Variants in TEX9 observed in about 807,000 individuals in gnomAD.
TEX9 encodes testis-expressed protein 9.
A neutral mutation model predicts 59.6 loss-of-function variants in TEX9; 74 were observed. That is an observed-to-expected ratio of 1.24 (90% CI 1.03 to 1.51). The LOEUF (loss-of-function observed/expected upper bound fraction) is 1.51, where lower values mean the gene tolerates loss of function less well. Among genes scored for constraint, TEX9 ranks in the 40% most tolerant of loss-of-function variants. TEX9 has a pLI of 0.00. For missense variants in TEX9, 522 were observed against 447.8 expected (o/e 1.17, Z -1.49); for synonymous variants, 186 against 152.2 (o/e 1.22, Z -1.64).
chr15:56,408,405 T>G, intron 9 of TEX9: 1 of 152,224 alleles, frequency 6.6e-6, no homozygotes. Context: ...TGATTCTCCC[T>G]CATTTTCCTG....
At chr15:56,450,374 TC>T (rs1167940584), downstream of TEX9, among the ~76,000 whole-genome samples, 1 of 152,020 alleles carries the variant, frequency 6.6e-6, no homozygotes, top group African/African-American at 2.4e-5. Flanking sequence ...ACTTTTTCAT[TC>T]CCCCCAAAGA....
intron 1 of TEX9, among the ~76,000 whole-genome samples, chr15:56,310,209 A>G (rs1166116466): frequency 4.6e-5 from 7 of 152,108 alleles, no homozygotes; most frequent in Non-Finnish European, 1.0e-4. Flanking sequence ...AGGCAGTTGG[A>G]CCACCTGAGG....
At chr15:56,365,229 C>G (rs2046878623), upstream of TEX9, among the ~76,000 whole-genome samples, 1 of 151,386 alleles carries the variant, frequency 6.6e-6, no homozygotes, top group South Asian at 2.1e-4. Context: ...AGAATTTGCA[C>G]TAACTAAGTC....
At chr15:56,268,473 G>T (rs2044444629) in intron 1 of TEX9, among the ~76,000 whole-genome samples, 2 of 152,152 alleles carry the variant, frequency 1.3e-5, no homozygotes, top group African/African-American at 4.8e-5. Context: ...GTCGTAAATA[G>T]CTCTTATTAT....
At chr15:56,431,378 G>A (rs766540387) in intron 12 of TEX9, 2 of 1,610,182 alleles carry the variant, frequency 1.2e-6, no homozygotes, top group African/African-American at 1.3e-5. Context: ...CTTACTTTAG[G>A]GAGATAGCCT....
At chr15:56,425,562 C>G (rs1173364011) in intron 10 of TEX9, among the ~76,000 whole-genome samples, 1 of 151,916 alleles carries the variant, frequency 6.6e-6, no homozygotes, top group Non-Finnish European at 1.5e-5. Context: ...TTGTTTGGTT[C>G]TTTTTTGTAA....
chr15:56,272,375 T>TG (rs1352248472), intron 1 of TEX9, among the ~76,000 whole-genome samples: 6 of 152,248 alleles, frequency 3.9e-5, no homozygotes, highest in Non-Finnish European at 7.3e-5. Context: ...GTACAACATG[T>TG]GGCCTATTGT....
chr15:56,429,114 C>A, intron 12 of TEX9: 2 of 1,592,784 alleles, frequency 1.3e-6, no homozygotes, highest in Non-Finnish European at 1.7e-6. Flanking sequence ...TTTCTCTTCA[C>A]AAATTTCACT....
At chr15:56,308,606 G>T (rs533839504) in intron 1 of TEX9, among the ~76,000 whole-genome samples, 37 of 151,876 alleles carry the variant, frequency 2.4e-4, no homozygotes, top group Admixed American at 1.0e-3. Flanking sequence ...ATGTGCTTTT[G>T]GTATCATATC....
At chr15:56,292,179 T>C (rs1218280320) in intron 1 of TEX9, among the ~76,000 whole-genome samples, 1 of 152,228 alleles carries the variant, frequency 6.6e-6, no homozygotes, top group Non-Finnish European at 1.5e-5. Flanking sequence ...CAGCATCATG[T>C]TCTTGGAGAT....
chr15:56,431,573 T>C, intron 12 of TEX9: 1 of 1,450,114 alleles, frequency 6.9e-7, no homozygotes, highest in Non-Finnish European at 9.5e-7. Context: ...AAACTACTCA[T>C]GCAATGAATT....
rs2050468675 is a variant in TEX9, at chr15:56,429,019, C to T, written c.*29+546C>T. The T allele has an allele frequency of 7.9e-6, 6 of 756,850 alleles. No homozygotes were observed. In the South Asian group the frequency reaches 1.2e-4, roughly 15 times the overall value. 46.9% of individuals were successfully genotyped at this position (756,850 alleles called of 1,614,324 possible). A position where few individuals can be genotyped will look rare whatever the true frequency, so the allele number is the denominator to read the frequency against. Reference sequence around the variant, plus strand: ...CCAAACAGACAATGGATACCTAATGCCACTGAACTGTAAAACAAAAGTTAT... The same window carrying T: ...CCAAACAGACAATGGATACCTAATGTCACTGAACTGTAAAACAAAAGTTAT... On this transcript the variant is annotated intron_variant, in intron 12 of 12. Coordinates refer to ENST00000352903, the Ensembl canonical transcript of TEX9.
chr15:56,365,452 T>A (rs1567099836), exon 1 of TEX9: 1 of 1,610,260 alleles, frequency 6.2e-7, no homozygotes, highest in Admixed American at 1.7e-5. Context: ...TCGCCGAAGA[T>A]GGCGGGGCGA....
At chr15:56,396,261 A>G (rs2048463525) in intron 9 of TEX9, 1 of 152,216 alleles carries the variant, frequency 6.6e-6, no homozygotes, top group Admixed American at 6.5e-5. Flanking sequence ...TTGGTCTTGT[A>G]TAATTAGCTT....
chr15:56,429,085 C>A, intron 12 of TEX9: 1 of 1,526,038 alleles, frequency 6.6e-7, no homozygotes, highest in South Asian at 1.2e-5. Context: ...CTATGCTTTA[C>A]CCAATTTTGA....
rs572858430 is a variant in TEX9, at chr15:56,348,898, C to G, written c.-106-24543C>G. ...CATTAGAATTACTGATATTGCCTCA[C>G]AAGTCCCTGAGTTCATATTTTTACC... On this transcript the variant is annotated intron_variant, in intron 1 of 5. Transcript: ENST00000560827. 4.0e-5 allele frequency among the ~76,000 whole-genome samples: 6 copies of G among 149,858 alleles called. No individual in the cohort carries two copies. In the East Asian group the frequency reaches 1.2e-3, roughly 30 times the overall value.
At chr15:56,393,411 T>C (rs1269320408) in intron 7 of TEX9, among the ~76,000 whole-genome samples, 1 of 152,194 alleles carries the variant, frequency 6.6e-6, no homozygotes, top group East Asian at 1.9e-4. Flanking sequence ...GTCACATGTG[T>C]ATGGCTTAGT....
intron 1 of TEX9, among the ~76,000 whole-genome samples, chr15:56,305,576 GAAGA>G (rs2045463125): frequency 6.6e-6 from 1 of 152,148 alleles, no homozygotes; most frequent in Non-Finnish European, 1.5e-5. Flanking sequence ...TCTATATGCA[GAAGA>G]AAGAAATTAG....
chr15:56,457,828 G>T, the TEX9 span, among the ~76,000 whole-genome samples: 4 of 145,770 alleles, frequency 2.7e-5, no homozygotes, highest in African/African-American at 1.0e-4. Flanking sequence ...AAAAAAAAAA[G>T]CCTCCATGCA....
Sources: gnomAD v4.1 joint callset for allele counts (sites outside exome capture counted in the v4.1 genomes callset) on GRCh38, gnomAD v4.1.1 for gene constraint, MANE v1.5 for transcripts, NCBI Gene and HGNC (gene_info 2026-07-23, HGNC 2026-07-21) for gene names.